TAFA5: variants seen among roughly 807,000 people sequenced by gnomAD.
The protein encoded by TAFA5 is chemokine-like protein TAFA-5.
Under a neutral mutation model 15.3 loss-of-function variants are expected in TAFA5, and 6 were observed. The observed-to-expected ratio is 0.39, with a 90% CI of 0.21 to 0.77. The LOEUF (loss-of-function observed/expected upper bound fraction) is 0.77. Among genes scored for constraint, TAFA5 ranks in the 30% least tolerant of loss-of-function variants. The pLI is 0.41. For missense variants in TAFA5, 161 were observed against 193.1 expected (o/e 0.83, Z 0.98); for synonymous variants, 103 against 80.7 (o/e 1.28, Z -1.48).
At chr22:48,575,531 C>G (rs1366659482) in intron 1 of TAFA5, among the ~76,000 whole-genome samples, 1 of 146,230 alleles carries the variant, frequency 6.8e-6, no homozygotes, top group South Asian at 2.1e-4. Flanking sequence ...GCCTCCAGGC[C>G]GGAGCAGCGG....
chr22:48,631,569 C>T (rs1030293354), intron 1 of TAFA5, among the ~76,000 whole-genome samples: 25 of 152,210 alleles, frequency 1.6e-4, no homozygotes, highest in African/African-American at 5.8e-4. Context: ...GACCAGAGCC[C>T]CTGCTGCCTC....
At chr22:48,590,052 C>T (rs1038065492) in intron 1 of TAFA5, among the ~76,000 whole-genome samples, 4 of 151,830 alleles carry the variant, frequency 2.6e-5, no homozygotes, top group Non-Finnish European at 5.9e-5. Flanking sequence ...CTCTGGTCAG[C>T]GTGGCTGGCG....
chr22:48,703,526 G>T (rs1043282481), intron 2 of TAFA5, among the ~76,000 whole-genome samples: 1 of 152,236 alleles, frequency 6.6e-6, no homozygotes, highest in Non-Finnish European at 1.5e-5. Flanking sequence ...CAGTCCCAGT[G>T]AGCTCTGGTG....
intron 1 of TAFA5, among the ~76,000 whole-genome samples, chr22:48,508,131 C>T (rs564745649): frequency 6.0e-4 from 91 of 152,262 alleles, no homozygotes; most frequent in African/African-American, 2.0e-3. Context: ...AGCCCTGATG[C>T]GTGGGCCACT....
intron 1 of TAFA5, among the ~76,000 whole-genome samples, chr22:48,500,502 C>A (rs966517772): frequency 6.6e-6 from 1 of 152,208 alleles, no homozygotes; most frequent in African/African-American, 2.4e-5. Context: ...GCACACAGTG[C>A]GTGCCGGCCT....
chr22:48,545,137 G>C (rs1207103293), intron 1 of TAFA5: 6 of 346,198 alleles, frequency 1.7e-5, no homozygotes, highest in Non-Finnish European at 3.4e-5. Flanking sequence ...GGAGAAAGTG[G>C]ACTGTATTTG....
At position 48,686,345 on chromosome 22, in the gene TAFA5, T is replaced by C. The variant is rs191334357; in HGVS notation, c.263-21372T>C. On this transcript the variant is annotated intron_variant, in intron 2 of 3. Coordinates refer to ENST00000402357, the MANE Select transcript of TAFA5 (RefSeq NM_001082967.3). ...TCATGGTGCCAGTAGGGTCGGGTTC[T>C]GGTGAGCACTCTCTTCTGGTTTGCA... is the stretch of plus-strand genomic sequence containing the variant. Among the ~76,000 whole-genome samples, 7 of 152,348 alleles carry C rather than the reference T, an allele frequency of 4.6e-5. No individual in the cohort carries two copies. In the East Asian group the frequency reaches 9.7e-4, roughly 21 times the overall value.
intron 1 of TAFA5, among the ~76,000 whole-genome samples, chr22:48,571,185 T>C (rs1306975119): frequency 6.6e-6 from 1 of 152,168 alleles, no homozygotes; most frequent in Non-Finnish European, 1.5e-5. Flanking sequence ...ACTGCTCCAC[T>C]GTCTTTGAGA....
At chr22:48,656,130 C>T (rs1927235665) in intron 2 of TAFA5, among the ~76,000 whole-genome samples, 1 of 151,942 alleles carries the variant, frequency 6.6e-6, no homozygotes, top group Non-Finnish European at 1.5e-5. Flanking sequence ...GTGTGAGCCA[C>T]CACGCCCGGC....
chr22:48,720,874 G>A (rs536727897), intron 3 of TAFA5, among the ~76,000 whole-genome samples: 5 of 152,276 alleles, frequency 3.3e-5, no homozygotes, highest in African/African-American at 7.2e-5. Flanking sequence ...AGGGCTCCAC[G>A]TCCTGCCCAG....
At chr22:48,704,856 T>C (rs1436575298) in intron 2 of TAFA5, among the ~76,000 whole-genome samples, 1 of 152,150 alleles carries the variant, frequency 6.6e-6, no homozygotes, top group Non-Finnish European at 1.5e-5. Context: ...TTCTGGAGGC[T>C]GGACATTCAG....
At chr22:48,554,741 A>T (rs1236495337) in intron 1 of TAFA5, among the ~76,000 whole-genome samples, 1 of 152,246 alleles carries the variant, frequency 6.6e-6, no homozygotes, top group African/African-American at 2.4e-5. Context: ...ATAATTTAAA[A>T]ATTATGAAAT....
chr22:48,673,024 C>T (rs1384207825), intron 2 of TAFA5, among the ~76,000 whole-genome samples: 2 of 152,196 alleles, frequency 1.3e-5, no homozygotes, highest in East Asian at 1.9e-4. Flanking sequence ...GCTGATGGCA[C>T]ACCCCGCTAA....
intron 1 of TAFA5, among the ~76,000 whole-genome samples, chr22:48,541,127 C>T (rs1055946155): frequency 3.3e-5 from 5 of 152,154 alleles, no homozygotes; most frequent in Non-Finnish European, 7.3e-5. Flanking sequence ...CAAGACTTTG[C>T]GCCTCCTGGG....
Position 48,573,549 on chromosome 22 carries a change from G to A in TAFA5, c.113-73048G>A, listed in dbSNP as rs887022091. 1.3e-5 allele frequency among the ~76,000 whole-genome samples: 2 copies of A among 152,166 alleles called. 1 individual carries two copies. Among genetic ancestry groups the A allele is most frequent in the South Asian group, 4.1e-4 (2 of 4,826 alleles). Reference sequence around the variant, plus strand: ...CTCACTCTTCGGAAGCCCTACACGAGGTTCTTGAGTTTGCAGCTGTGATTG... The same window carrying A: ...CTCACTCTTCGGAAGCCCTACACGAAGTTCTTGAGTTTGCAGCTGTGATTG... On this transcript the variant is annotated intron_variant, in intron 1 of 3. Transcript: ENST00000402357.
At chr22:48,518,196 C>T (rs1921481995) in intron 1 of TAFA5, among the ~76,000 whole-genome samples, 1 of 152,200 alleles carries the variant, frequency 6.6e-6, no homozygotes, top group Admixed American at 6.5e-5. Flanking sequence ...GAGATGGTAC[C>T]CGCAGGAGCC....
rs530181446 is a variant in TAFA5 at position 48,548,307 on chromosome 22, T to A, written c.112+58603T>A. Reference sequence around the variant, plus strand: ...GCAGTCCCGAAGCTGCCCGCCTCTCTGGGTCATCATCTCCCTGCCCTCCTG... The same window carrying A: ...GCAGTCCCGAAGCTGCCCGCCTCTCAGGGTCATCATCTCCCTGCCCTCCTG... On this transcript the variant is annotated intron_variant, in intron 1 of 3. Coordinates refer to ENST00000402357, the MANE Select transcript of TAFA5 (RefSeq NM_001082967.3). Among the ~76,000 whole-genome samples, 10 of 152,356 alleles carry A rather than the reference T, an allele frequency of 6.6e-5. No individual in the cohort carries two copies. The South Asian group carries it at 2.1e-3, about 32-fold the overall frequency.
intron 2 of TAFA5, among the ~76,000 whole-genome samples, chr22:48,694,374 G>A (rs921241928): frequency 2.6e-5 from 4 of 151,854 alleles, no homozygotes; most frequent in African/African-American, 9.7e-5. Flanking sequence ...GGGAAGGCTG[G>A]CACTGCTGGG....
chr22:48,700,427 G>A (rs1469166747), intron 2 of TAFA5, among the ~76,000 whole-genome samples: 3 of 152,190 alleles, frequency 2.0e-5, no homozygotes, highest in Non-Finnish European at 4.4e-5. Flanking sequence ...GGCAGAGCAG[G>A]CCGGCAGGGG....
Sources: allele counts gnomAD v4.1 joint callset (sites outside exome capture counted in the v4.1 genomes callset), GRCh38; gene constraint gnomAD v4.1.1; transcripts MANE v1.5; gene names NCBI Gene and HGNC (gene_info 2026-07-23, HGNC 2026-07-21).